The following SETD7 variants were observed in gnomAD, a reference collection of about 807,000 sequenced individuals.
The protein encoded by SETD7 is SET domain containing 7, histone lysine methyltransferase, also known as histone-lysine N-methyltransferase SETD7.
A neutral mutation model predicts 41.8 loss-of-function variants in SETD7; 16 were observed. The observed-to-expected ratio is 0.38, with a 90% CI of 0.26 to 0.58. The LOEUF (loss-of-function observed/expected upper bound fraction) is 0.58. SETD7 is among the 20% of genes least tolerant of loss of function. The probability of loss-of-function intolerance (pLI) is 0.64; values close to 1 mark genes in which losing one functional copy is unlikely to be tolerated. For synonymous variants in SETD7, 163 were observed against 169.7 expected (o/e 0.96, Z 0.31); for missense variants, 346 against 459.7 (o/e 0.75, Z 2.26).
chr4:139,549,755 T>A (rs1728058831), intron 1 of SETD7, among the ~76,000 whole-genome samples: 1 of 151,834 alleles, frequency 6.6e-6, no homozygotes, highest in African/African-American at 2.4e-5. Context: ...TAGGTAGACA[T>A]CACCACAACT....
At chr4:139,536,986 T>G (rs1251174335) in intron 2 of SETD7, among the ~76,000 whole-genome samples, 2 of 152,130 alleles carry the variant, frequency 1.3e-5, no homozygotes, top group African/African-American at 4.8e-5. Flanking sequence ...TTATTTTTTA[T>G]TTTTTTGAGA....
intron 2 of SETD7, among the ~76,000 whole-genome samples, chr4:139,545,795 T>C (rs1727925424): frequency 6.6e-6 from 1 of 152,222 alleles, no homozygotes; most frequent in African/African-American, 2.4e-5. Context: ...CAAAGGAAGC[T>C]CTGGCCTATT....
chr4:139,505,056 C>G (rs775807436), downstream of SETD7, among the ~76,000 whole-genome samples: 24 of 152,140 alleles, frequency 1.6e-4, no homozygotes, highest in Non-Finnish European at 2.9e-4. Context: ...CCAGTCATCT[C>G]ACTCGTTTCT....
At chr4:139,518,187 A>G in intron 6 of SETD7, 145 bp from the exon 7 acceptor site, 1 of 843,248 alleles carries the variant, frequency 1.2e-6, no homozygotes, top group Non-Finnish European at 1.7e-6. Context: ...GAGCGCAAGT[A>G]GCGTGATCTT....
At chr4:139,518,117 T>C (rs1001782676) in intron 6 of SETD7, 75 bp from the exon 7 acceptor site, 1 of 1,409,724 alleles carries the variant, frequency 7.1e-7, no homozygotes, top group Non-Finnish European at 9.4e-7. Flanking sequence ...AGATATTAAC[T>C]CATTTATCTT....
chr4:139,497,003 G>A (rs767157340), intron 7 of SETD7, among the ~76,000 whole-genome samples: 1 of 152,144 alleles, frequency 6.6e-6, no homozygotes, highest in African/African-American at 2.4e-5. Context: ...CTTATAACTC[G>A]TGTTTTACAG....
At chr4:139,550,161 C>T (rs1014045334) in intron 1 of SETD7, among the ~76,000 whole-genome samples, 1 of 152,162 alleles carries the variant, frequency 6.6e-6, no homozygotes, top group African/African-American at 2.4e-5. Context: ...CAGGCAAGAA[C>T]CACCACACCT....
At chr4:139,514,476 A>G (rs1334371660) in intron 7 of SETD7, among the ~76,000 whole-genome samples, 1 of 152,114 alleles carries the variant, frequency 6.6e-6, no homozygotes, top group Non-Finnish European at 1.5e-5. Flanking sequence ...TTCAGAGTGT[A>G]GATAAGGGAC....
chr4:139,547,025 G>A lies in SETD7; in HGVS notation c.65C>T (p.Pro22Leu). 6 of 1,614,048 alleles carry A rather than the reference G, an allele frequency of 3.7e-6. No individual in the cohort carries two copies. The highest frequency in any genetic ancestry group is 1.7e-4 in the Middle Eastern group (1 of 6,060). The change falls in exon 2 of 8, where the codon CCG becomes CTG. Residue 22 changes from proline (P) to leucine (L), a missense_variant. Pro to Leu is a moderately conservative substitution (Grantham distance 98, BLOSUM62 -3). This residue lies in a region of SETD7 where 266 missense variants were observed against 377.0 expected (regional missense o/e 0.71). Coordinates refer to ENST00000274031, the MANE Select transcript of SETD7 (RefSeq NM_030648.4). Reference sequence around the variant, plus strand: ...GTAGGTGACTGTGCAGAACCCGTGCGGTAATCCGTCATCGTCCAGGTGCCC... The same window carrying A: ...GTAGGTGACTGTGCAGAACCCGTGCAGTAATCCGTCATCGTCCAGGTGCCC... The part of the protein sequence containing the change: ...VEGHLDDDGL[P>L]HGFCTVTYSS...
chr4:139,546,147 G>A (rs1383452017), intron 2 of SETD7: 1 of 152,470 alleles, frequency 6.6e-6, no homozygotes, highest in Non-Finnish European at 1.5e-5. Context: ...AAGAAATCCT[G>A]TTGTGAAAAA....
intron 2 of SETD7, 89 bp from the exon 3 acceptor site, chr4:139,533,455 C>G: frequency 1.8e-6 from 2 of 1,097,436 alleles, no homozygotes; most frequent in South Asian, 2.9e-5. Flanking sequence ...ACTGCATGCC[C>G]AGCTGTGTCA....
At chr4:139,518,877 A>T (rs1220841422) in intron 6 of SETD7, among the ~76,000 whole-genome samples, 1 of 152,134 alleles carries the variant, frequency 6.6e-6, no homozygotes, top group African/African-American at 2.4e-5. Flanking sequence ...TGATGAACTC[A>T]CCCCAGGAGC....
At chr4:139,543,836 C>T (rs1356902247) in intron 2 of SETD7, among the ~76,000 whole-genome samples, 1 of 149,186 alleles carries the variant, frequency 6.7e-6, no homozygotes, top group Non-Finnish European at 1.5e-5. Context: ...TGGTGGTGGG[C>T]GCCTGTAGTC....
At position 139,517,888 on chromosome 4, in the gene SETD7, T is replaced by C; in HGVS notation, c.917A>G (p.Asp306Gly). The C allele has an allele frequency of 6.2e-7, 1 of 1,612,926 alleles. No individual in the cohort carries two copies. The highest frequency in any genetic ancestry group is 8.5e-7 in the Non-Finnish European group (1 of 1,179,380). Residue 306 changes from aspartate to glycine, a missense_variant, in exon 7 of 8, where the codon GAT becomes GGT. Transcript: ENST00000274031. ...NHSFTPNCIY[D>G]MFVHPRFGPI... The stretch of plus-strand genomic sequence containing the variant: ...AGCAGCTCTGGGTAATACTTACATA[T>C]CGTAGATGCAGTTTGGAGTGAAGGA...
At chr4:139,551,648 C>T (rs1027459668) in intron 1 of SETD7, among the ~76,000 whole-genome samples, 23 of 152,260 alleles carry the variant, frequency 1.5e-4, no homozygotes, top group African/African-American at 1.7e-4. Context: ...CTGAGAGTGG[C>T]GTGTGAGTAT....
intron 3 of SETD7, among the ~76,000 whole-genome samples, chr4:139,530,506 A>C (rs1459525387): frequency 1.3e-5 from 2 of 152,160 alleles, no homozygotes; most frequent in African/African-American, 4.8e-5. Context: ...TCTTCTCTTC[A>C]AGTTAATTCT....
At chr4:139,547,798 G>A (rs1240095883) in intron 1 of SETD7, among the ~76,000 whole-genome samples, 3 of 152,046 alleles carry the variant, frequency 2.0e-5, no homozygotes, top group East Asian at 1.9e-4. Flanking sequence ...ATCCTATACC[G>A]TCCACCACTG....
chr4:139,499,034 C>T (rs1579193898), intron 7 of SETD7, among the ~76,000 whole-genome samples: 2 of 152,168 alleles, frequency 1.3e-5, no homozygotes, highest in African/African-American at 4.8e-5. Context: ...TGCCCTCCCA[C>T]CTGAGCAACA....
intron 2 of SETD7, among the ~76,000 whole-genome samples, chr4:139,538,276 C>T (rs1335171102): frequency 6.6e-6 from 1 of 152,080 alleles, no homozygotes; most frequent in African/African-American, 2.4e-5. Context: ...TACTAAGATG[C>T]AGAAAGTAGA....
Sources: gnomAD v4.1 joint callset for allele counts (sites outside exome capture counted in the v4.1 genomes callset) on GRCh38, gnomAD v4.1.1 for gene constraint, gnomAD v4.1.1 regional missense constraint, MANE v1.5 for transcripts, NCBI Gene and HGNC (gene_info 2026-07-23, HGNC 2026-07-21) for gene names.